SEC16B: variants seen among roughly 807,000 people sequenced by gnomAD.
SEC16B encodes protein transport protein Sec16B.
A neutral mutation model predicts 141.8 loss-of-function variants in SEC16B; 115 were observed. The observed-to-expected ratio is 0.81, with a 90% CI of 0.70 to 0.95. The LOEUF is 0.95. Ranked by LOEUF, SEC16B falls within the 40% of genes least tolerant of loss-of-function variation. The pLI is 0.00. For synonymous variants in SEC16B, 493 were observed against 492.5 expected (o/e 1.00, Z -0.01); for missense variants, 1,291 against 1,312.3 (o/e 0.98, Z 0.25).
chr1:177,957,102 G>A (rs758308110), intron 10 of SEC16B, among the ~76,000 whole-genome samples: 23 of 152,090 alleles, frequency 1.5e-4, no homozygotes, highest in Non-Finnish European at 2.6e-4. Flanking sequence ...TTAATTTGGT[G>A]TATATATAAA....
chr1:177,942,068 G>A, intron 15 of SEC16B, 28 bp from the exon 16 acceptor site: 3 of 1,597,822 alleles, frequency 1.9e-6, no homozygotes, highest in South Asian at 1.1e-5. Flanking sequence ...TCAGTGACTA[G>A]TCCATCCAGG....
chr1:177,962,327 C>A (rs1044513255), intron 5 of SEC16B, among the ~76,000 whole-genome samples: 7 of 152,020 alleles, frequency 4.6e-5, no homozygotes, highest in African/African-American at 1.7e-4. Context: ...ACCTCAGCCT[C>A]CCAAAGTGCT....
chr1:177,954,611 A>G (rs373118880), intron 10 of SEC16B, among the ~76,000 whole-genome samples: 4 of 152,232 alleles, frequency 2.6e-5, no homozygotes, highest in East Asian at 3.8e-4. Flanking sequence ...CTATTCCATC[A>G]TCTTCCCATC....
intron 21 of SEC16B, 72 bp from the exon 22 acceptor site, chr1:177,933,384 C>A: frequency 1.9e-6 from 3 of 1,556,818 alleles, no homozygotes; most frequent in Non-Finnish European, 2.6e-6. Flanking sequence ...AACCCGCCCC[C>A]ATGTAACCAT....
chr1:177,940,629 T>C lies in SEC16B; in HGVS notation c.2108A>G (p.Gln703Arg). 1 of 1,613,742 alleles carries C rather than the reference T, an allele frequency of 6.2e-7. No individual in the cohort carries two copies. Among genetic ancestry groups the C allele is most frequent in the Non-Finnish European group, 8.5e-7 (1 of 1,179,776 alleles). Residue 703 changes from glutamine (Q) to arginine (R), a missense_variant, in exon 17 of 26, where the codon CAA (glutamine) becomes CGA (arginine). This residue lies in a region of SEC16B where 605 missense variants were observed against 614.1 expected (regional missense o/e 0.99). Transcript: ENST00000308284. ...DRDLEPDWLA[Q>R]LRRQLEQKVA... Reference sequence around the variant, plus strand: ...ACTCACCTCCAGCTGCCTCCGAAGTTGCGCTAGCCAATCTGGCTCCAGGTC... The same window carrying C: ...ACTCACCTCCAGCTGCCTCCGAAGTCGCGCTAGCCAATCTGGCTCCAGGTC...
rs1650929713 is a variant in SEC16B at position 177,937,403 on chromosome 1, G to A, written c.2314C>T (p.Pro772Ser). The A allele has an allele frequency of 6.2e-7, 1 of 1,611,138 alleles. No individual in the cohort carries two copies. Among genetic ancestry groups the A allele is most frequent in the Non-Finnish European group, 8.5e-7 (1 of 1,178,872 alleles). ...PEQTCLLQPS[P>S]QQPFPLQPGS... ...GGCTGGAGGGGAAAGGGCTGCTGTG[G>A]GCTGGGCTGGAGCAGGCAGGTCTGC... The change falls in exon 19 of 26, where the codon CCA (proline) becomes TCA (serine). Residue 772 changes from proline to serine, a missense_variant. By Grantham distance (74) the Pro-to-Ser change is moderately conservative (BLOSUM62 -1). Around this residue, in one of 3 missense-constraint regions of SEC16B, gnomAD observed 605 missense variants for 614.1 expected, o/e 0.99. Coordinates refer to ENST00000308284, the MANE Select transcript of SEC16B (RefSeq NM_033127.4).
At chr1:177,952,978 G>A (rs941364282) in intron 11 of SEC16B, among the ~76,000 whole-genome samples, 53 of 151,494 alleles carry the variant, frequency 3.5e-4, no homozygotes, top group Middle Eastern at 3.4e-3. Flanking sequence ...TTAGGCCCCC[G>A]GACTGAACTT....
chr1:177,944,615 G>C lies in SEC16B; in HGVS notation c.1827C>G (p.Ile609Met). The change falls in exon 15 of 26, where the codon ATC (isoleucine) becomes ATG (methionine). Residue 609 changes from isoleucine to methionine, a missense_variant. Physicochemically the swap from Ile to Met is conservative, Grantham distance 10. Coordinates refer to ENST00000308284, the MANE Select transcript of SEC16B (RefSeq NM_033127.4). ...GGCCCAGCATCTGACAGTACTCGAA[G>C]ATTTCCGTCCTCTGGATTGCCTCAG... ...ATTEAIQRTE[I>M]FEYCQMLGRP... 1 of 1,613,906 alleles carries C rather than the reference G, an allele frequency of 6.2e-7. No individual in the cohort carries two copies. The highest frequency in any genetic ancestry group is 8.5e-7 in the Non-Finnish European group (1 of 1,179,824).
At chr1:177,965,745 G>A (rs1653465487) in intron 3 of SEC16B, 148 bp downstream of exon 3, 2 of 583,880 alleles carry the variant, frequency 3.4e-6, no homozygotes, top group African/African-American at 1.9e-5. Flanking sequence ...AGGACATCTA[G>A]GAGGAGTGTT....
chr1:177,957,109 T>C (rs192235948), intron 10 of SEC16B, among the ~76,000 whole-genome samples: 52 of 152,288 alleles, frequency 3.4e-4, no homozygotes, highest in Non-Finnish European at 6.2e-4. Context: ...GGTGTATATA[T>C]AAAGAACCTT....
At chr1:177,961,500 A>T in intron 6 of SEC16B, 90 bp downstream of exon 6, 5 of 1,380,450 alleles carry the variant, frequency 3.6e-6, no homozygotes, top group Non-Finnish European at 4.9e-6. Flanking sequence ...GTGGACAATG[A>T]TCCATCGTAA....
intron 15 of SEC16B, 116 bp from the exon 16 acceptor site, chr1:177,942,156 A>G: frequency 8.7e-7 from 1 of 1,147,266 alleles, no homozygotes; most frequent in Non-Finnish European, 1.2e-6. Flanking sequence ...CTGGCATCCA[A>G]ATACCAAGAG....
chr1:177,960,064 C>T (rs1325224607), intron 8 of SEC16B: 3 of 424,704 alleles, frequency 7.1e-6, no homozygotes, highest in Admixed American at 3.9e-5. Flanking sequence ...ACACGGAATG[C>T]TAAAACTTCC....
At chr1:177,978,975 T>C (rs1557998998) in intron 1 of SEC16B, among the ~76,000 whole-genome samples, 1 of 152,156 alleles carries the variant, frequency 6.6e-6, no homozygotes, top group Non-Finnish European at 1.5e-5. Context: ...ATTATTTTCA[T>C]TACCCAGTGG....
chr1:177,929,940 A>T lies in SEC16B; in HGVS notation c.3112-11T>A. 6.2e-7 allele frequency: 1 copy of T among 1,613,436 alleles called. No homozygotes were observed. The highest frequency in any genetic ancestry group is 8.5e-7 in the Non-Finnish European group (1 of 1,179,676). Reference sequence around the variant, plus strand: ...AGTGGCCGTGGGCAGCTGGAAAAGAAGAACAAATATTACACTGAGTACAGC... The same window carrying T: ...AGTGGCCGTGGGCAGCTGGAAAAGATGAACAAATATTACACTGAGTACAGC... On this transcript the variant is annotated splice_polypyrimidine_tract_variant and intron_variant, in intron 25 of 25. Transcript: ENST00000308284.
chr1:177,932,911 C>G (rs1389064216), intron 22 of SEC16B, 105 bp from the exon 23 acceptor site: 3 of 1,150,712 alleles, frequency 2.6e-6, no homozygotes, highest in Non-Finnish European at 3.8e-6. Context: ...TTGCCACAAA[C>G]TGCTGCTGGG....
Position 177,939,604 on chromosome 1 carries a change from G to A in SEC16B, c.2203+98C>T, listed in dbSNP as rs988372127. 1.9e-5 allele frequency: 20 copies of A among 1,060,022 alleles called. No individual in the cohort carries two copies. The African/African-American group carries it at 3.2e-4, about 17-fold the overall frequency. The allele number at this position is 1,060,022 out of a possible 1,614,324, so 65.7% of individuals were successfully genotyped here. Reference sequence around the variant, plus strand: ...CTTACACAGGCAAGGCAGGCACCCTGGGAAGCAAAGGGCGAGTGCTTTCAT... The same window carrying A: ...CTTACACAGGCAAGGCAGGCACCCTAGGAAGCAAAGGGCGAGTGCTTTCAT... On this transcript the variant is annotated intron_variant, in intron 18 of 25. Coordinates refer to ENST00000308284, the MANE Select transcript of SEC16B (RefSeq NM_033127.4).
At chr1:177,958,011 G>A (rs1414905551) in intron 10 of SEC16B, 121 bp downstream of exon 10, 7 of 571,706 alleles carry the variant, frequency 1.2e-5, no homozygotes, top group East Asian at 3.5e-5. Context: ...CTGTCTTTCC[G>A]AACTTCTTGC....
chr1:177,947,780 A>ACAGGGAGGGGAGGGGAGGGC, intron 13 of SEC16B, 45 bp downstream of exon 13: 4 of 416,752 alleles, frequency 9.6e-6, no homozygotes, highest in African/African-American at 8.1e-5. Flanking sequence ...GAGGGGAGGG[A>ACAGGGAGGGGAGGGGAGGGC]AGGGACAGGG....
Sources: gnomAD v4.1 joint callset for allele counts (sites outside exome capture counted in the v4.1 genomes callset) on GRCh38, gnomAD v4.1.1 for gene constraint, gnomAD v4.1.1 regional missense constraint, MANE v1.5 for transcripts, NCBI Gene and HGNC (gene_info 2026-07-23, HGNC 2026-07-21) for gene names.